The following PRKCH variants were observed in gnomAD, a reference collection of about 807,000 sequenced individuals.
PRKCH encodes protein kinase C eta.
Under a neutral mutation model 82.5 loss-of-function variants are expected in PRKCH, and 28 were observed. The ratio of observed to expected loss-of-function variants is 0.34; its 90% CI spans 0.25 to 0.47. The LOEUF is 0.47. PRKCH is among the 20% of genes least tolerant of loss of function. The pLI is 1.00. For missense variants in PRKCH, 705 were observed against 881.8 expected (o/e 0.80, Z 2.54); for synonymous variants, 322 against 327.4 (o/e 0.98, Z 0.18).
intron 2 of PRKCH, among the ~76,000 whole-genome samples, chr14:61,411,999 C>G (rs1161391134): frequency 1.3e-5 from 2 of 152,126 alleles, no homozygotes; most frequent in Admixed American, 1.3e-4. Context: ...AATAACTAAC[C>G]CAACTGAGCA....
chr14:61,521,446 A>G (rs2042905447), intron 10 of PRKCH, among the ~76,000 whole-genome samples: 1 of 152,142 alleles, frequency 6.6e-6, no homozygotes, highest in Admixed American at 6.5e-5. Flanking sequence ...TAAGATTCTT[A>G]ATTTTACACT....
At chr14:61,389,463 G>A (rs1052974049) in intron 1 of PRKCH, among the ~76,000 whole-genome samples, 1 of 152,184 alleles carries the variant, frequency 6.6e-6, no homozygotes, top group Non-Finnish European at 1.5e-5. Context: ...GGCTGAGGTG[G>A]GAGGATTGCT....
intron 1 of PRKCH, among the ~76,000 whole-genome samples, chr14:61,325,658 G>C (rs570799417): frequency 1.6e-4 from 24 of 152,118 alleles, no homozygotes; most frequent in African/African-American, 5.5e-4. Context: ...GAATGTTTAA[G>C]AAAATAAAAA....
At chr14:61,317,202 C>T (rs373981679), upstream of PRKCH, among the ~76,000 whole-genome samples, 33 of 152,274 alleles carry the variant, frequency 2.2e-4, no homozygotes, top group Middle Eastern at 6.8e-3. Flanking sequence ...TCTCTCTCCT[C>T]GGTGTTGCTT....
At chr14:61,204,950 A>G (rs2044510998) in intron 1 of PRKCH, among the ~76,000 whole-genome samples, 1 of 152,176 alleles carries the variant, frequency 6.6e-6, no homozygotes, top group Non-Finnish European at 1.5e-5. Context: ...AAGCTCTTCC[A>G]TACTTAGTAA....
At chr14:61,505,343 T>C (rs886840770) in intron 10 of PRKCH, among the ~76,000 whole-genome samples, 9 of 150,144 alleles carry the variant, frequency 6.0e-5, no homozygotes, top group Admixed American at 2.0e-4. Flanking sequence ...CTTCACATGG[T>C]GGAAGCCGTG....
chr14:61,235,237 G>A (rs966575496), intron 1 of PRKCH, among the ~76,000 whole-genome samples: 2 of 152,200 alleles, frequency 1.3e-5, no homozygotes, highest in Admixed American at 6.5e-5. Flanking sequence ...GTCACTGACT[G>A]TGAGTCAGTA....
intron 10 of PRKCH, among the ~76,000 whole-genome samples, chr14:61,490,041 G>GCACA (rs1327614324): frequency 5.3e-5 from 8 of 152,186 alleles, no homozygotes; most frequent in African/African-American, 1.9e-4. Context: ...TTACCCCTGG[G>GCACA]CACACAGCAC....
chr14:61,447,104 A>T (rs139990847), intron 4 of PRKCH, among the ~76,000 whole-genome samples: 3 of 152,228 alleles, frequency 2.0e-5, no homozygotes, highest in African/African-American at 7.2e-5. Flanking sequence ...GCAAACTGGC[A>T]TAGGTATTTC....
At chr14:61,245,559 G>T (rs986014913) in intron 1 of PRKCH, among the ~76,000 whole-genome samples, 3 of 152,204 alleles carry the variant, frequency 2.0e-5, no homozygotes, top group Non-Finnish European at 4.4e-5. Context: ...ACTATTACCA[G>T]CAGGGAGCTG....
intron 1 of PRKCH, among the ~76,000 whole-genome samples, chr14:61,220,223 C>T (rs925707158): frequency 2.6e-5 from 4 of 152,344 alleles, no homozygotes; most frequent in South Asian, 2.1e-4. Flanking sequence ...GGCTCCTGAT[C>T]GCCTTCATCC....
chr14:61,399,624 TC>T (rs1881491631), intron 2 of PRKCH, among the ~76,000 whole-genome samples: 1 of 152,230 alleles, frequency 6.6e-6, no homozygotes, highest in Admixed American at 6.5e-5. Context: ...GTAGATTATC[TC>T]CTACTAATAA....
At position 61,299,255 on chromosome 14, in the gene PRKCH, A is replaced by C. The variant is rs1256118930; in HGVS notation, c.-19+111587A>C. ...AAGATTACACTGAAGAAGGGTCTGC[A>C]TGTGCAATGGCCAGCCAGTGCCTGG... On this transcript the variant is annotated intron_variant, in intron 1 of 3. Coordinates refer to the PRKCH transcript ENST00000555185. Among the ~76,000 whole-genome samples, 3 of 152,166 alleles carry C rather than the reference A, an allele frequency of 2.0e-5. No individual in the cohort carries two copies. The East Asian group carries it at 5.8e-4, about 29-fold the overall frequency.
intron 1 of PRKCH, among the ~76,000 whole-genome samples, chr14:61,379,038 C>G (rs973133794): frequency 5.9e-5 from 9 of 152,214 alleles, no homozygotes; most frequent in African/African-American, 2.2e-4. Flanking sequence ...CCCCATTGCC[C>G]TGGGATAAGG....
chr14:61,445,417 C>A (rs1566886350), intron 3 of PRKCH, among the ~76,000 whole-genome samples: 3 of 152,168 alleles, frequency 2.0e-5, no homozygotes, highest in Admixed American at 6.5e-5. Flanking sequence ...GGATTTATTG[C>A]CACTGAGGAC....
intron 1 of PRKCH, among the ~76,000 whole-genome samples, chr14:61,329,234 C>G (rs374970928): frequency 1.6e-5 from 1 of 63,462 alleles, no homozygotes; most frequent in Non-Finnish European, 2.7e-5. Context: ...ACTCCTGAGT[C>G]TTTTTTTTTT....
chr14:61,385,279 G>A (rs1427361368), intron 1 of PRKCH, among the ~76,000 whole-genome samples: 7 of 150,808 alleles, frequency 4.6e-5, no homozygotes, highest in Non-Finnish European at 8.8e-5. Flanking sequence ...GATTTGGGGA[G>A]CCATAAAACT....
exon 1 of PRKCH, chr14:61,187,639 T>C (rs892564873): frequency 6.6e-5 from 10 of 152,568 alleles, no homozygotes; most frequent in Admixed American, 3.9e-4. Flanking sequence ...ACGCTGCTTC[T>C]GCCTGGTCCA....
chr14:61,394,018 A>G (rs2046729364), intron 2 of PRKCH, among the ~76,000 whole-genome samples: 2 of 152,266 alleles, frequency 1.3e-5, no homozygotes, highest in South Asian at 4.1e-4. Context: ...AAGCTACTTC[A>G]CCATTACTAA....
Sources: allele counts gnomAD v4.1 joint callset (sites outside exome capture counted in the v4.1 genomes callset), GRCh38; gene constraint gnomAD v4.1.1; transcripts MANE v1.5; gene names NCBI Gene and HGNC (gene_info 2026-07-23, HGNC 2026-07-21).